Variants in COP1 observed in about 807,000 individuals in gnomAD.
COP1 encodes E3 ubiquitin-protein ligase COP1.
Under a neutral mutation model 101.3 loss-of-function variants are expected in COP1, and 24 were observed. That is an observed-to-expected ratio of 0.24 (90% CI 0.17 to 0.33). COP1 has a LOEUF of 0.33. Among genes scored for constraint, COP1 ranks in the 10% least tolerant of loss-of-function variants. COP1 has a pLI of 1.00. For missense variants in COP1, 663 were observed against 906.2 expected (o/e 0.73, Z 3.45); for synonymous variants, 347 against 341.9 (o/e 1.01, Z -0.17).
intron 11 of COP1, among the ~76,000 whole-genome samples, chr1:176,057,675 C>T (rs975394275): frequency 6.6e-6 from 1 of 152,168 alleles, no homozygotes; most frequent in Non-Finnish European, 1.5e-5. Flanking sequence ...GGCGTGATCT[C>T]GGCTCGCTAC....
intron 11 of COP1, among the ~76,000 whole-genome samples, chr1:176,055,349 C>T (rs918290203): frequency 2.0e-5 from 3 of 152,256 alleles, no homozygotes; most frequent in Middle Eastern, 3.4e-3. Flanking sequence ...GCAGGAGAAT[C>T]GCTTAAACCC....
intron 15 of COP1, among the ~76,000 whole-genome samples, chr1:175,990,822 T>C (rs1658238204): frequency 6.6e-6 from 1 of 152,148 alleles, no homozygotes; most frequent in African/African-American, 2.4e-5. Context: ...ACATGGTATA[T>C]CTTTTTCCAT....
intron 5 of COP1, among the ~76,000 whole-genome samples, chr1:176,158,516 A>G (rs987295511): frequency 6.6e-6 from 1 of 152,158 alleles, no homozygotes; most frequent in Non-Finnish European, 1.5e-5. Flanking sequence ...TAATTTAACC[A>G]CAATTAATAA....
chr1:176,195,099 A>AG (rs1292257595), intron 1 of COP1, among the ~76,000 whole-genome samples: 1 of 145,836 alleles, frequency 6.9e-6, no homozygotes, highest in Non-Finnish European at 1.5e-5. Flanking sequence ...AGAAGAGAAG[A>AG]GAAAAAGGAG....
At chr1:176,011,675 C>T (rs1664699739) in intron 15 of COP1, among the ~76,000 whole-genome samples, 1 of 152,084 alleles carries the variant, frequency 6.6e-6, no homozygotes, top group African/African-American at 2.4e-5. Flanking sequence ...AGAAATATAA[C>T]ACACATAGAC....
chr1:176,172,409 C>T (rs1031853546), intron 3 of COP1, among the ~76,000 whole-genome samples: 1 of 152,162 alleles, frequency 6.6e-6, no homozygotes, highest in Admixed American at 6.5e-5. Flanking sequence ...TAAAAATATG[C>T]ACGGATCATC....
chr1:176,205,751 G>T (rs1700776284), intron 1 of COP1, among the ~76,000 whole-genome samples: 1 of 152,174 alleles, frequency 6.6e-6, no homozygotes, highest in Non-Finnish European at 1.5e-5. Context: ...ATGACTAAAT[G>T]TTACTCTGTA....
chr1:175,950,386 T>G (rs1307113918), intron 18 of COP1, among the ~76,000 whole-genome samples: 1 of 152,182 alleles, frequency 6.6e-6, no homozygotes, highest in East Asian at 1.9e-4. Context: ...TAGCTAGATA[T>G]TGGCTTAAGA....
At chr1:175,949,359 G>C (rs1408317758) in intron 18 of COP1, among the ~76,000 whole-genome samples, 2 of 151,984 alleles carry the variant, frequency 1.3e-5, no homozygotes, top group Non-Finnish European at 2.9e-5. Context: ...TTAGTGACCT[G>C]AATGTAGAAA....
chr1:176,042,730 C>CAAA (rs35637870), intron 14 of COP1, among the ~76,000 whole-genome samples: 6 of 49,666 alleles, frequency 1.2e-4, no homozygotes, highest in African/African-American at 3.2e-4. Flanking sequence ...AACTCTATCT[C>CAAA]AAAAAAAAAA....
chr1:176,036,520 A>AAAAAAAAAAAAC (rs1553232075), intron 14 of COP1, among the ~76,000 whole-genome samples: 2 of 143,754 alleles, frequency 1.4e-5, no homozygotes, highest in African/African-American at 2.5e-5. Flanking sequence ...AAAAAAAAAA[A>AAAAAAAAAAAAC]AAAAAAGCAT....
intron 3 of COP1, among the ~76,000 whole-genome samples, chr1:176,172,089 C>T (rs1696162346): frequency 6.6e-6 from 1 of 152,064 alleles, no homozygotes; most frequent in Admixed American, 6.6e-5. Context: ...TGCTTTGTTG[C>T]CCAGGCTGGA....
chr1:176,111,752 TA>T (rs1355976939), intron 9 of COP1, among the ~76,000 whole-genome samples: 2 of 152,240 alleles, frequency 1.3e-5, no homozygotes, highest in African/African-American at 4.8e-5. Flanking sequence ...CAGTATTCTT[TA>T]GTTTGCATTT....
chr1:175,972,405 C>T (rs1356656780), intron 18 of COP1, among the ~76,000 whole-genome samples: 7 of 151,750 alleles, frequency 4.6e-5, no homozygotes, highest in Non-Finnish European at 1.5e-5. Context: ...TTACCGAATA[C>T]CTACTTAACA....
intron 3 of COP1, among the ~76,000 whole-genome samples, chr1:176,168,287 G>A (rs892234200): frequency 6.6e-6 from 1 of 151,690 alleles, no homozygotes; most frequent in Non-Finnish European, 1.5e-5. Context: ...TAGAACTCCT[G>A]ACCTCGTGAT....
At chr1:176,022,678 G>A (rs570757203) in intron 15 of COP1, among the ~76,000 whole-genome samples, 16 of 152,304 alleles carry the variant, frequency 1.1e-4, no homozygotes, top group African/African-American at 3.8e-4. Flanking sequence ...TACAATGAAA[G>A]GCAATGAATT....
chr1:176,137,426 A>G (rs1689978305), intron 6 of COP1, among the ~76,000 whole-genome samples: 1 of 152,214 alleles, frequency 6.6e-6, no homozygotes, highest in South Asian at 2.1e-4. Context: ...ATTCAATCAA[A>G]AGAAAACTGC....
chr1:175,986,173 C>A (rs1471319283), intron 18 of COP1, among the ~76,000 whole-genome samples: 13 of 152,018 alleles, frequency 8.6e-5, no homozygotes, highest in Non-Finnish European at 4.4e-5. Flanking sequence ...TCACCCGCCA[C>A]CACGCCTGGC....
chr1:175,995,904 A>G (rs983516767), intron 15 of COP1, among the ~76,000 whole-genome samples: 15 of 152,208 alleles, frequency 9.9e-5, no homozygotes, highest in Non-Finnish European at 2.1e-4. Flanking sequence ...TTATGAGGCC[A>G]GCATCATCCT....
Sources: allele counts gnomAD v4.1 joint callset (sites outside exome capture counted in the v4.1 genomes callset), GRCh38; gene constraint gnomAD v4.1.1; transcripts MANE v1.5; gene names NCBI Gene and HGNC (gene_info 2026-07-23, HGNC 2026-07-21).